CCDC141: variants seen among roughly 807,000 people sequenced by gnomAD.
CCDC141 encodes the protein coiled-coil domain-containing protein 141.
Under a neutral mutation model 181.0 loss-of-function variants are expected in CCDC141, and 168 were observed. The observed-to-expected ratio is 0.93, with a 90% CI of 0.82 to 1.05. The LOEUF (loss-of-function observed/expected upper bound fraction) is 1.05. CCDC141 is among the 50% of genes least tolerant of loss of function. CCDC141 has a pLI of 0.00. For missense variants in CCDC141, 1,902 were observed against 1,788.5 expected (o/e 1.06, Z -1.14); for synonymous variants, 666 against 642.3 (o/e 1.04, Z -0.56).
intron 2 of CCDC141, among the ~76,000 whole-genome samples, chr2:179,015,772 A>G (rs978536356): frequency 7.2e-6 from 1 of 138,352 alleles, no homozygotes; most frequent in Admixed American, 7.5e-5. Context: ...TATCATATAT[A>G]TCTCATATAT....
chr2:179,011,790 G>A (rs2042277510), intron 2 of CCDC141, among the ~76,000 whole-genome samples: 2 of 152,010 alleles, frequency 1.3e-5, no homozygotes. Flanking sequence ...AGACAACAGT[G>A]GAATAGAACT....
chr2:178,846,042 G>C (rs1022915131), intron 21 of CCDC141, among the ~76,000 whole-genome samples: 3 of 152,126 alleles, frequency 2.0e-5, no homozygotes, highest in African/African-American at 7.2e-5. Flanking sequence ...TCTAGAGAAA[G>C]GAATCATTAT....
chr2:178,872,160 C>T lies in CCDC141; in HGVS notation c.2052G>A (p.Trp684Ter), dbSNP rs1686146572. The T allele has an allele frequency of 1.2e-6, 2 of 1,613,702 alleles. No individual in the cohort carries two copies. Among genetic ancestry groups the T allele is most frequent in the South Asian group, 1.1e-5 (1 of 91,056 alleles). ...TTTTAAGTTGCTCTTTGAATGCCGC[C>T]CACTGCTGTTTTCCAGGCTTGCTTT... ...ATESKPGKQQ[W>*]AAFKEQLKKT... Residue 684 changes from tryptophan (W) to a stop codon, truncating the protein, a stop_gained, in exon 13 of 24, where the codon TGG becomes TGA. Coordinates refer to ENST00000443758, the MANE Select transcript of CCDC141 (RefSeq NM_173648.4). LOFTEE classifies it high-confidence loss of function.
intron 6 of CCDC141, among the ~76,000 whole-genome samples, chr2:178,922,379 C>T (rs1688731661): frequency 6.6e-6 from 1 of 152,196 alleles, no homozygotes; most frequent in African/African-American, 2.4e-5. Context: ...TTTGACTCTA[C>T]AATCTGCTAT....
intron 7 of CCDC141, among the ~76,000 whole-genome samples, chr2:178,913,698 A>T (rs1688318321): frequency 2.0e-5 from 3 of 152,234 alleles, no homozygotes. Flanking sequence ...AACGGAAGCT[A>T]TGACAATTGT....
chr2:178,939,792 T>C (rs1378373783), intron 6 of CCDC141, among the ~76,000 whole-genome samples: 1 of 151,982 alleles, frequency 6.6e-6, no homozygotes, highest in Non-Finnish European at 1.5e-5. Flanking sequence ...ATGGGAATGG[T>C]TGAATCCTAA....
At chr2:179,012,025 G>T (rs2042284171) in intron 2 of CCDC141, among the ~76,000 whole-genome samples, 1 of 152,040 alleles carries the variant, frequency 6.6e-6, no homozygotes, top group Non-Finnish European at 1.5e-5. Context: ...AAGACTGAAA[G>T]AGCACAAACT....
chr2:178,917,942 C>T lies in CCDC141; in HGVS notation c.1092+771G>A, dbSNP rs370745225. Reference sequence around the variant, plus strand: ...TGTGTGCAAAAAGGCTTGCAATATTCATATGTATTTTACCTGGTAAATTAA... The same window carrying T: ...TGTGTGCAAAAAGGCTTGCAATATTTATATGTATTTTACCTGGTAAATTAA... On this transcript the variant is annotated intron_variant, in intron 7 of 23. Coordinates refer to ENST00000443758, the MANE Select transcript of CCDC141 (RefSeq NM_173648.4). Among the ~76,000 whole-genome samples the T allele has an allele frequency of 3.9e-4, 59 of 152,312 alleles. 1 individual carries two copies. Among genetic ancestry groups the T allele is most frequent in the African/African-American group, 1.4e-3 (59 of 41,562 alleles).
intron 2 of CCDC141, among the ~76,000 whole-genome samples, chr2:179,015,089 T>TA (rs1319398966): frequency 1.3e-4 from 6 of 47,130 alleles, no homozygotes; most frequent in African/African-American, 3.8e-4. Flanking sequence ...TATATATATA[T>TA]ATATATATAT....
intron 4 of CCDC141, among the ~76,000 whole-genome samples, chr2:178,970,560 T>C (rs1306209527): frequency 1.3e-5 from 2 of 152,200 alleles, no homozygotes; most frequent in Admixed American, 6.5e-5. Flanking sequence ...GGAAACCTAC[T>C]AGCCATATGC....
Position 178,837,038 on chromosome 2 carries a change from C to CT in CCDC141, c.4180dup (p.Ser1394LysfsTer13). 1 of 1,614,026 alleles carries CT rather than the reference C, an allele frequency of 6.2e-7. No homozygotes were observed. The highest frequency in any genetic ancestry group is 8.5e-7 in the Non-Finnish European group (1 of 1,179,952). Reference sequence around the variant, plus strand: ...GACCACGCTGCTCTTTGCTGATGTGCTTTTAATCTCTTCTCGAGGAACCAT... The same window carrying CT: ...GACCACGCTGCTCTTTGCTGATGTGCTTTTTAATCTCTTCTCGAGGAACCAT... On this transcript the variant is annotated frameshift_variant, in exon 23 of 24. Transcript: ENST00000443758. LOFTEE classifies it high-confidence loss of function.
chr2:178,820,670 A>G, the CCDC141 span, among the ~76,000 whole-genome samples: 1 of 152,216 alleles, frequency 6.6e-6, no homozygotes, highest in Non-Finnish European at 1.5e-5. Context: ...ATTTTTTTAA[A>G]AAGTTATTAA....
chr2:178,856,282 A>G lies in CCDC141; in HGVS notation c.2840T>C (p.Val947Ala), dbSNP rs750164139. Residue 947 changes from valine to alanine, a missense_variant, in exon 18 of 24, where the codon GTT becomes GCT. By Grantham distance (64) the Val-to-Ala change is moderately conservative. Transcript: ENST00000443758. ...CTGCATTTTTTCAGCATACATATCA[A>G]CTTGCTGAATTTGATATTTAAGCGC... ...LKALKYQIQQ[V>A]DMYAEKMQAL... 2.3e-5 allele frequency: 37 copies of G among 1,610,838 alleles called. No homozygotes were observed. Among genetic ancestry groups the G allele is most frequent in the Non-Finnish European group, 2.7e-5 (32 of 1,178,586 alleles).
chr2:178,936,535 C>T (rs1446742336), intron 6 of CCDC141, among the ~76,000 whole-genome samples: 1 of 151,986 alleles, frequency 6.6e-6, no homozygotes, highest in Non-Finnish European at 1.5e-5. Context: ...AACATAATGC[C>T]TCCAGCTTTG....
At chr2:178,821,119 T>C in the CCDC141 span, among the ~76,000 whole-genome samples, 2 of 152,094 alleles carry the variant, frequency 1.3e-5, no homozygotes, top group Non-Finnish European at 2.9e-5. Flanking sequence ...TTCCCAGTTA[T>C]TTCATCACTC....
In CCDC141 at chr2:178,975,002, T is replaced by C. The variant is rs990706885; in HGVS notation, c.526+55A>G. On this transcript the variant is annotated intron_variant, in intron 4 of 23. Coordinates refer to ENST00000443758, the MANE Select transcript of CCDC141 (RefSeq NM_173648.4). ...ACTATCATACATAAGCATTCTCACA[T>C]TAACATCTTTTAAAACCTCTAAACA... 4 of 836,250 alleles carry C rather than the reference T, an allele frequency of 4.8e-6. No homozygotes were observed. The African/African-American group carries it at 6.8e-5, about 14-fold the overall frequency. The allele number at this position is 836,250 out of a possible 1,614,324, so 51.8% of individuals were successfully genotyped here.
intron 2 of CCDC141, among the ~76,000 whole-genome samples, chr2:179,029,005 C>T (rs2042932900): frequency 6.6e-6 from 1 of 151,976 alleles, no homozygotes; most frequent in Non-Finnish European, 1.5e-5. Flanking sequence ...TCAGCCCCAG[C>T]CCCTATTCTC....
chr2:178,979,038 G>C (rs538057274), intron 2 of CCDC141, among the ~76,000 whole-genome samples: 47 of 152,110 alleles, frequency 3.1e-4, no homozygotes, highest in Non-Finnish European at 6.2e-4. Context: ...CAAGAATAAA[G>C]GTTGTGAGAA....
chr2:178,898,742 A>G (rs1438285801), intron 8 of CCDC141, among the ~76,000 whole-genome samples: 1 of 152,204 alleles, frequency 6.6e-6, no homozygotes, highest in Non-Finnish European at 1.5e-5. Context: ...ACAATAATGA[A>G]AGGGTCTCAG....
Sources: gnomAD v4.1 joint callset for allele counts (sites outside exome capture counted in the v4.1 genomes callset) on GRCh38, gnomAD v4.1.1 for gene constraint, MANE v1.5 for transcripts, NCBI Gene and HGNC (gene_info 2026-07-23, HGNC 2026-07-21) for gene names.